TMEM178B: variants seen among roughly 807,000 people sequenced by gnomAD.
TMEM178B encodes the protein transmembrane protein 178B.
In TMEM178B, 5 loss-of-function variants were observed where a neutral mutation model predicts 31.0. That is an observed-to-expected ratio of 0.16 (90% CI 0.08 to 0.34). TMEM178B has a LOEUF of 0.34. Among genes scored for constraint, TMEM178B ranks in the 10% least tolerant of loss-of-function variants. The pLI, the probability that TMEM178B is intolerant of heterozygous loss-of-function variation, is 1.00. For missense variants in TMEM178B, 275 were observed against 400.3 expected (o/e 0.69, Z 2.67); for synonymous variants, 164 against 164.0 (o/e 1.00, Z 0.00).
intron 2 of TMEM178B, among the ~76,000 whole-genome samples, chr7:141,297,582 C>T (rs1024839576): frequency 1.3e-5 from 2 of 152,138 alleles, no homozygotes; most frequent in Middle Eastern, 3.2e-3. Flanking sequence ...GTTCAATTCC[C>T]ACCTATGAGT....
At chr7:141,176,093 C>A (rs1796429169) in intron 1 of TMEM178B, among the ~76,000 whole-genome samples, 1 of 152,052 alleles carries the variant, frequency 6.6e-6, no homozygotes, top group Non-Finnish European at 1.5e-5. Flanking sequence ...TGGCTGTGGG[C>A]TTGTCATAAA....
intron 2 of TMEM178B, among the ~76,000 whole-genome samples, chr7:141,418,842 G>A (rs1342578972): frequency 2.0e-5 from 3 of 152,116 alleles, no homozygotes; most frequent in Non-Finnish European, 4.4e-5. Flanking sequence ...TGTGTATTAG[G>A]CACTTAACGA....
intron 2 of TMEM178B, among the ~76,000 whole-genome samples, chr7:141,317,606 G>A (rs547659423): frequency 6.6e-6 from 1 of 152,286 alleles, no homozygotes; most frequent in African/African-American, 2.4e-5. Context: ...AAATGCTGAG[G>A]ATGTCTGTCC....
rs111584524 is a variant in TMEM178B at position 141,151,629 on chromosome 7, A to G, written c.383-60962A>G. 6.1e-3 allele frequency among the ~76,000 whole-genome samples: 931 copies of G among 152,282 alleles called. 8 individuals carry two copies. Among genetic ancestry groups the G allele is most frequent in the African/African-American group, 0.022 (895 of 41,558 alleles). On this transcript the variant is annotated intron_variant, in intron 1 of 3. Transcript: ENST00000565468. ...TGATGGTGAAAGTCCCTGTGGAGAT[A>G]TAGTTCTCTCTCTGCACAAGGAGAA...
the TMEM178B span, among the ~76,000 whole-genome samples, chr7:141,506,239 A>G: frequency 7.9e-5 from 12 of 152,232 alleles, no homozygotes; most frequent in Non-Finnish European, 1.0e-4. Context: ...CCTAAGAGAC[A>G]TGTCAGGCTC....
intron 1 of TMEM178B, among the ~76,000 whole-genome samples, chr7:141,096,202 C>T (rs1034454208): frequency 6.6e-6 from 1 of 152,146 alleles, no homozygotes; most frequent in African/African-American, 2.4e-5. Context: ...CATTGCAGGT[C>T]AAATGTTTGC....
chr7:141,216,204 A>G (rs1322278492), intron 2 of TMEM178B, among the ~76,000 whole-genome samples: 2 of 152,040 alleles, frequency 1.3e-5, no homozygotes, highest in Non-Finnish European at 2.9e-5. Flanking sequence ...TAAAATTTTC[A>G]AGTAGGAAAA....
At chr7:141,502,976 G>A in the TMEM178B span, among the ~76,000 whole-genome samples, 4 of 152,098 alleles carry the variant, frequency 2.6e-5, no homozygotes, top group South Asian at 4.1e-4. Flanking sequence ...AGCCTGCTTT[G>A]ACATAAGTGG....
chr7:141,331,169 T>C (rs1394097424), intron 2 of TMEM178B, among the ~76,000 whole-genome samples: 1 of 152,208 alleles, frequency 6.6e-6, no homozygotes, highest in Non-Finnish European at 1.5e-5. Context: ...TTGAGTTCAA[T>C]GTGAGATGGG....
At chr7:141,241,664 C>T (rs1048161265) in intron 2 of TMEM178B, among the ~76,000 whole-genome samples, 4 of 151,480 alleles carry the variant, frequency 2.6e-5, no homozygotes, top group South Asian at 2.1e-4. Context: ...TTTGAGGGCA[C>T]GTGGTGGCGT....
At chr7:141,115,398 T>C (rs888553618) in intron 1 of TMEM178B, among the ~76,000 whole-genome samples, 7 of 152,070 alleles carry the variant, frequency 4.6e-5, no homozygotes, top group African/African-American at 1.7e-4. Flanking sequence ...CAGTGTTATG[T>C]AACAGTAGGA....
intron 2 of TMEM178B, among the ~76,000 whole-genome samples, chr7:141,383,503 A>G (rs1245064115): frequency 3.3e-5 from 5 of 152,080 alleles, no homozygotes. Flanking sequence ...TTTGCTGAGA[A>G]TGATGGTTTC....
At chr7:141,219,132 G>GGA (rs1563121681) in intron 2 of TMEM178B, among the ~76,000 whole-genome samples, 1 of 152,184 alleles carries the variant, frequency 6.6e-6, no homozygotes, top group East Asian at 1.9e-4. Flanking sequence ...CCTCCCAGGA[G>GGA]TCCCTCCCGT....
chr7:141,503,748 A>G, the TMEM178B span, among the ~76,000 whole-genome samples: 1 of 152,200 alleles, frequency 6.6e-6, no homozygotes, highest in Non-Finnish European at 1.5e-5. Context: ...CTGTGTGATT[A>G]TAGCTATATA....
At chr7:141,494,962 G>C in the TMEM178B span, among the ~76,000 whole-genome samples, 4 of 152,226 alleles carry the variant, frequency 2.6e-5, no homozygotes, top group Non-Finnish European at 5.9e-5. Context: ...ATTGAAGCCG[G>C]GTGGTGGGAG....
intron 1 of TMEM178B, among the ~76,000 whole-genome samples, chr7:141,162,639 AT>A (rs1032824232): frequency 5.1e-4 from 77 of 152,348 alleles, no homozygotes; most frequent in African/African-American, 1.8e-3. Flanking sequence ...CAACACTAGC[AT>A]TTTATTTCAT....
At chr7:141,195,999 A>G (rs1796777117) in intron 1 of TMEM178B, among the ~76,000 whole-genome samples, 1 of 152,134 alleles carries the variant, frequency 6.6e-6, no homozygotes, top group African/African-American at 2.4e-5. Flanking sequence ...CTCCCACAAC[A>G]CATGGGAGTT....
intron 2 of TMEM178B, among the ~76,000 whole-genome samples, chr7:141,401,772 T>C (rs1800781275): frequency 6.6e-6 from 1 of 152,212 alleles, no homozygotes; most frequent in East Asian, 1.9e-4. Context: ...TCTGCCTTGC[T>C]GTTGGATGGA....
At chr7:141,082,001 T>C (rs556151175) in intron 1 of TMEM178B, among the ~76,000 whole-genome samples, 1 of 152,200 alleles carries the variant, frequency 6.6e-6, no homozygotes, top group Non-Finnish European at 1.5e-5. Flanking sequence ...ATACTTACCA[T>C]TGTGTTATAA....
Sources: allele counts gnomAD v4.1 joint callset (sites outside exome capture counted in the v4.1 genomes callset), GRCh38; gene constraint gnomAD v4.1.1; transcripts MANE v1.5; gene names NCBI Gene and HGNC (gene_info 2026-07-23, HGNC 2026-07-21).